RAPGEF4: variants seen among roughly 807,000 people sequenced by gnomAD.
The protein encoded by RAPGEF4 is RAP guanine-nucleotide-exchange factor (GEF) 4.
RAPGEF4 carries 66 observed loss-of-function variants against 147.9 expected under a neutral mutation model. The ratio of observed to expected loss-of-function variants is 0.45; its 90% CI spans 0.37 to 0.55. The LOEUF (loss-of-function observed/expected upper bound fraction) is 0.55, where lower values mean the gene tolerates loss of function less well. Ranked by LOEUF, RAPGEF4 falls within the 20% of genes least tolerant of loss-of-function variation. RAPGEF4 has a pLI of 0.00. For synonymous variants in RAPGEF4, 419 were observed against 442.7 expected (o/e 0.95, Z 0.67); for missense variants, 1,071 against 1,257.3 (o/e 0.85, Z 2.24).
intron 29 of RAPGEF4, among the ~76,000 whole-genome samples, chr2:173,038,727 T>C (rs1443555115): frequency 6.6e-6 from 1 of 152,110 alleles, no homozygotes; most frequent in African/African-American, 2.4e-5. Flanking sequence ...ATTCTGCACA[T>C]GTATCCTGGA....
intron 17 of RAPGEF4, 75 bp downstream of exon 17, chr2:173,001,419 A>C: frequency 8.5e-5 from 133 of 1,571,886 alleles, no homozygotes; most frequent in Non-Finnish European, 1.0e-4. Flanking sequence ...TTCTTATCTC[A>C]TCTTCTGCAG....
Position 172,888,003 on chromosome 2 carries a change from C to G in RAPGEF4, c.445-29799C>G, listed in dbSNP as rs573117993. On this transcript the variant is annotated intron_variant, in intron 4 of 30. Coordinates refer to ENST00000397081, the MANE Select transcript of RAPGEF4 (RefSeq NM_007023.4). The stretch of plus-strand genomic sequence containing the variant: ...ATAATTCACATTCTTGTGTTTATCT[C>G]CTACTAGAGTATGAGCTGTAGAGGA... 4.1e-4 allele frequency among the ~76,000 whole-genome samples: 63 copies of G among 152,300 alleles called. 1 individual carries two copies. Among genetic ancestry groups the G allele is most frequent in the Admixed American group, 9.8e-4 (15 of 15,300 alleles).
intron 23 of RAPGEF4, among the ~76,000 whole-genome samples, chr2:173,023,315 G>A (rs960794397): frequency 6.6e-6 from 1 of 152,176 alleles, no homozygotes; most frequent in Non-Finnish European, 1.5e-5. Flanking sequence ...AAACCGTGGG[G>A]AGAAAATGCA....
intron 6 of RAPGEF4, among the ~76,000 whole-genome samples, chr2:172,943,565 T>C (rs1264416797): frequency 6.6e-6 from 1 of 152,190 alleles, no homozygotes; most frequent in Non-Finnish European, 1.5e-5. Context: ...AATAGTCTCT[T>C]ATAGGAGAAA....
chr2:172,944,942 A>G (rs1377857378), intron 6 of RAPGEF4, among the ~76,000 whole-genome samples: 2 of 152,178 alleles, frequency 1.3e-5, no homozygotes, highest in African/African-American at 2.4e-5. Flanking sequence ...TTTCTAAAGT[A>G]TGCGTGAGCC....
chr2:172,874,672 G>A (rs1201963589), intron 4 of RAPGEF4, among the ~76,000 whole-genome samples: 1 of 152,036 alleles, frequency 6.6e-6, no homozygotes. Flanking sequence ...GTTGGTTCCA[G>A]GTCTTTGCTA....
intron 3 of RAPGEF4, among the ~76,000 whole-genome samples, chr2:172,813,866 G>A (rs1434966926): frequency 6.6e-6 from 1 of 152,088 alleles, no homozygotes; most frequent in Non-Finnish European, 1.5e-5. Context: ...CCATGTTATG[G>A]GAAACTACTC....
rs758115567 is a variant in RAPGEF4, at chr2:172,925,067, G to A, written c.537+2767G>A. 3.2e-4 allele frequency among the ~76,000 whole-genome samples: 48 copies of A among 152,140 alleles called. 1 individual carries two copies. Among genetic ancestry groups the A allele is most frequent in the Admixed American group, 1.0e-3 (16 of 15,272 alleles). On this transcript the variant is annotated intron_variant, in intron 6 of 30. Coordinates refer to ENST00000397081, the MANE Select transcript of RAPGEF4 (RefSeq NM_007023.4). Reference sequence around the variant, plus strand: ...ATGATCTCAGCTCACTGCAAGCTCCGCCTCCCGGCTCACGCCATTCTCCTG... The same window carrying A: ...ATGATCTCAGCTCACTGCAAGCTCCACCTCCCGGCTCACGCCATTCTCCTG...
intron 6 of RAPGEF4, among the ~76,000 whole-genome samples, chr2:172,926,575 T>C (rs997691951): frequency 6.6e-6 from 1 of 152,054 alleles, no homozygotes; most frequent in Non-Finnish European, 1.5e-5. Flanking sequence ...TTTATTTGTT[T>C]GTTTGTTTGT....
At chr2:172,933,028 A>T (rs1012434366) in intron 6 of RAPGEF4, among the ~76,000 whole-genome samples, 1 of 152,222 alleles carries the variant, frequency 6.6e-6, no homozygotes, top group Admixed American at 6.5e-5. Flanking sequence ...CAAGTGTTTT[A>T]AAAAATGAAT....
At chr2:172,877,508 G>A (rs1696103892) in intron 4 of RAPGEF4, among the ~76,000 whole-genome samples, 1 of 150,166 alleles carries the variant, frequency 6.7e-6, no homozygotes, top group Non-Finnish European at 1.5e-5. Context: ...TTTTGCACAT[G>A]TATCTCAGAA....
At chr2:172,985,337 G>A (rs553289955) in intron 11 of RAPGEF4, 96 bp from the exon 12 acceptor site, 18 of 1,563,764 alleles carry the variant, frequency 1.2e-5, no homozygotes, top group Middle Eastern at 1.7e-4. Flanking sequence ...GGGAAGCCCC[G>A]GGACAGTTTG....
At chr2:172,777,436 A>G (rs1159484810) in intron 1 of RAPGEF4, among the ~76,000 whole-genome samples, 2 of 152,044 alleles carry the variant, frequency 1.3e-5, no homozygotes, top group Non-Finnish European at 2.9e-5. Flanking sequence ...CAGCCTGTGT[A>G]CTCTGACTGG....
chr2:172,759,658 C>A (rs1696108377), intron 1 of RAPGEF4, among the ~76,000 whole-genome samples: 1 of 152,180 alleles, frequency 6.6e-6, no homozygotes, highest in Non-Finnish European at 1.5e-5. Context: ...GGAAACATAT[C>A]CTCTTAGGAG....
At chr2:172,886,039 G>A (rs149399918) in intron 4 of RAPGEF4, among the ~76,000 whole-genome samples, 4 of 152,156 alleles carry the variant, frequency 2.6e-5, no homozygotes, top group East Asian at 1.9e-4. Context: ...TGGCTCTTCT[G>A]CACCACCTTT....
chr2:173,019,639 G>A (rs1315760506), intron 22 of RAPGEF4, among the ~76,000 whole-genome samples: 1 of 152,200 alleles, frequency 6.6e-6, no homozygotes, highest in Non-Finnish European at 1.5e-5. Flanking sequence ...TTCCACTGAT[G>A]GAGGATTTTT....
Position 172,859,305 on chromosome 2 carries a change from T to C in RAPGEF4, c.444+44880T>C, listed in dbSNP as rs529683167. ...ATTGTAAATCTGAGTTTAAAAAGCA[T>C]TGAGGTGCTGCTAAGGCAGCAACAT... On this transcript the variant is annotated intron_variant, in intron 4 of 30. Coordinates refer to ENST00000397081, the MANE Select transcript of RAPGEF4 (RefSeq NM_007023.4). 2.2e-4 allele frequency among the ~76,000 whole-genome samples: 33 copies of C among 152,360 alleles called. No individual in the cohort carries two copies. In the South Asian group the frequency reaches 6.8e-3, roughly 32 times the overall value.
chr2:172,871,604 A>G (rs182681690), intron 4 of RAPGEF4, among the ~76,000 whole-genome samples: 1 of 148,492 alleles, frequency 6.7e-6, no homozygotes, highest in East Asian at 2.0e-4. Flanking sequence ...GATATTATCT[A>G]TTTTGACCCA....
At chr2:172,826,262 T>A (rs932236370) in intron 4 of RAPGEF4, among the ~76,000 whole-genome samples, 10 of 152,230 alleles carry the variant, frequency 6.6e-5, no homozygotes, top group Admixed American at 1.3e-4. Context: ...TTCTCTTTTT[T>A]TGTGTGCATC....
Sources: gnomAD v4.1 joint callset for allele counts (sites outside exome capture counted in the v4.1 genomes callset) on GRCh38, gnomAD v4.1.1 for gene constraint, MANE v1.5 for transcripts, NCBI Gene and HGNC (gene_info 2026-07-23, HGNC 2026-07-21) for gene names.